The following MCMBP variants were observed in gnomAD, a reference collection of about 807,000 sequenced individuals.
The protein encoded by MCMBP is minichromosome maintenance complex binding protein.
Under a neutral mutation model 81.3 loss-of-function variants are expected in MCMBP, and 31 were observed. The observed-to-expected ratio is 0.38, with a 90% CI of 0.29 to 0.51. The LOEUF is 0.51. Ranked by LOEUF, MCMBP falls within the 20% of genes least tolerant of loss-of-function variation. The probability of loss-of-function intolerance (pLI) is 0.87; values close to 1 mark genes in which losing one functional copy is unlikely to be tolerated. For synonymous variants in MCMBP, 267 were observed against 275.9 expected (o/e 0.97, Z 0.32); for missense variants, 645 against 772.1 (o/e 0.84, Z 1.95).
At chr10:119,839,016 T>C (rs1355313360) in intron 11 of MCMBP, among the ~76,000 whole-genome samples, 1 of 152,212 alleles carries the variant, frequency 6.6e-6, no homozygotes, top group Non-Finnish European at 1.5e-5. Flanking sequence ...CCTAACCTCT[T>C]TCACCTAACA....
In MCMBP at chr10:119,830,090, G is replaced by T. The variant is rs1433578382; in HGVS notation, c.*1384C>A. On this transcript the variant is annotated 3_prime_UTR_variant, in exon 16 of 16. Coordinates refer to ENST00000369077, the MANE Select transcript of MCMBP (RefSeq NM_001256378.2). The stretch of plus-strand genomic sequence containing the variant: ...TTATTTACATTTGTTTATAAAAATA[G>T]ATTTGAGTTTAGGAAAAGTTGAACA... The T allele has an allele frequency of 6.6e-6, 1 of 152,550 alleles. No homozygotes were observed. Among genetic ancestry groups the T allele is most frequent in the Non-Finnish European group, 1.5e-5 (1 of 67,996 alleles). The allele number at this position is 152,550 out of a possible 1,614,324, so 9.4% of individuals were successfully genotyped here.
At chr10:119,871,957 T>C (rs1853689508) in intron 1 of MCMBP, among the ~76,000 whole-genome samples, 1 of 152,198 alleles carries the variant, frequency 6.6e-6, no homozygotes, top group South Asian at 2.1e-4. Flanking sequence ...AGATCCAGAC[T>C]AGATGGGTTC....
intron 11 of MCMBP, among the ~76,000 whole-genome samples, chr10:119,838,959 G>A (rs1017305803): frequency 2.6e-5 from 4 of 152,048 alleles, no homozygotes; most frequent in African/African-American, 4.8e-5. Flanking sequence ...TTTAACCAAT[G>A]AAACAAATGG....
intron 1 of MCMBP, among the ~76,000 whole-genome samples, chr10:119,862,056 C>T (rs1327941099): frequency 6.6e-6 from 1 of 152,178 alleles, no homozygotes; most frequent in Non-Finnish European, 1.5e-5. Flanking sequence ...CCTGTAATTC[C>T]AGCACTTTGG....
At chr10:119,842,351 G>T in intron 10 of MCMBP, 121 bp downstream of exon 10, 2 of 1,139,980 alleles carry the variant, frequency 1.8e-6, no homozygotes, top group Non-Finnish European at 2.5e-6. Context: ...ACACTGGACA[G>T]ATAAAAACCA....
chr10:119,866,621 G>A (rs1484957530), intron 1 of MCMBP, among the ~76,000 whole-genome samples: 3 of 151,454 alleles, frequency 2.0e-5, no homozygotes, highest in Admixed American at 1.3e-4. Flanking sequence ...GTGAGACTCC[G>A]TCTCAAAAAA....
intron 14 of MCMBP, 118 bp from the exon 15 acceptor site, chr10:119,832,218 T>C (rs530221608): frequency 1.4e-6 from 1 of 715,380 alleles, no homozygotes; most frequent in South Asian, 2.0e-5. Context: ...GGAGGCAATA[T>C]GGGTGAAAGT....
At chr10:119,844,734 T>G (rs1852561025) in intron 8 of MCMBP, among the ~76,000 whole-genome samples, 1 of 152,220 alleles carries the variant, frequency 6.6e-6, no homozygotes, top group South Asian at 2.1e-4. Flanking sequence ...TCTAATCAGC[T>G]GCCAGCATAA....
intron 1 of MCMBP, among the ~76,000 whole-genome samples, chr10:119,865,611 G>A (rs1853423399): frequency 6.6e-6 from 1 of 152,068 alleles, no homozygotes; most frequent in African/African-American, 2.4e-5. Flanking sequence ...TCCATCCCTA[G>A]GTATATCTGG....
intron 6 of MCMBP, 46 bp downstream of exon 6, chr10:119,853,004 A>G (rs1189748785): frequency 3.0e-5 from 49 of 1,607,264 alleles, no homozygotes; most frequent in Non-Finnish European, 4.2e-5. Context: ...AAACCAATCT[A>G]CTGTAAGAGA....
chr10:119,868,754 T>C (rs1853561388), intron 1 of MCMBP, among the ~76,000 whole-genome samples: 1 of 152,136 alleles, frequency 6.6e-6, no homozygotes, highest in South Asian at 2.1e-4. Context: ...GGTACCTAAC[T>C]TAAGTTCCCA....
chr10:119,859,086 A>C lies in MCMBP; in HGVS notation c.240T>G (p.Phe80Leu). ...TAACCGTTTCATAAACTCCCATGTA[A>C]AACTCAGGGTCAAACATATCCTGAA... is the stretch of plus-strand genomic sequence containing the variant. ...CMIQDMFDPE[F>L]YMGVYETVNQ... The change falls in exon 3 of 16, where the codon TTT becomes TTG. Residue 80 changes from phenylalanine to leucine, a missense_variant. Transcript: ENST00000369077. 6.2e-7 allele frequency: 1 copy of C among 1,613,972 alleles called. No individual in the cohort carries two copies. The highest frequency in any genetic ancestry group is 8.5e-7 in the Non-Finnish European group (1 of 1,179,886).
chr10:119,841,994 AG>A (rs2134353065), intron 10 of MCMBP, among the ~76,000 whole-genome samples: 2 of 152,228 alleles, frequency 1.3e-5, no homozygotes, highest in East Asian at 3.9e-4. Context: ...ATAGGAGGTG[AG>A]GGGTGGATGA....
At chr10:119,854,045 CT>C (rs111657130) in intron 5 of MCMBP, among the ~76,000 whole-genome samples, 16,338 of 139,876 alleles carry the variant, frequency 0.12, 868 homozygotes, top group South Asian at 0.17. Flanking sequence ...TTTTCCTTTT[CT>C]TTTTTTTTTT....
At chr10:119,838,963 CA>C (rs573825599) in intron 11 of MCMBP, among the ~76,000 whole-genome samples, 76 of 152,204 alleles carry the variant, frequency 5.0e-4, no homozygotes, top group African/African-American at 1.8e-3. Context: ...ACCAATGAAA[CA>C]AATGGTAGAT....
At chr10:119,870,747 G>A (rs1028636655) in intron 1 of MCMBP, among the ~76,000 whole-genome samples, 1 of 152,126 alleles carries the variant, frequency 6.6e-6, no homozygotes. Context: ...ATAAAGATAT[G>A]CAATACAATC....
chr10:119,857,327 A>T lies in MCMBP; in HGVS notation c.429+11T>A, dbSNP rs764947984. ...CCATCAACACAGTAAGAAAGTTCAG[A>T]TAAAGGATATTTCTTTTACCCACGT... On this transcript the variant is annotated intron_variant, in intron 5 of 15. Transcript: ENST00000369077. 3.8e-6 allele frequency: 6 copies of T among 1,578,200 alleles called. 1 individual carries two copies. The South Asian group carries it at 6.8e-5, about 18-fold the overall frequency.
chr10:119,853,021 T>C (rs1417580685), intron 6 of MCMBP, 29 bp downstream of exon 6: 3 of 1,612,530 alleles, frequency 1.9e-6, no homozygotes, highest in African/African-American at 2.7e-5. Context: ...GAGAGCAAAG[T>C]CTAGAGAAAA....
intron 11 of MCMBP, among the ~76,000 whole-genome samples, chr10:119,840,270 A>G (rs1852388458): frequency 6.6e-6 from 1 of 152,196 alleles, no homozygotes; most frequent in South Asian, 2.1e-4. Context: ...GCACTGAGAC[A>G]CTGAATACAT....
Sources: allele counts gnomAD v4.1 joint callset (sites outside exome capture counted in the v4.1 genomes callset), GRCh38; gene constraint gnomAD v4.1.1; transcripts MANE v1.5; gene names NCBI Gene and HGNC (gene_info 2026-07-23, HGNC 2026-07-21).